UGT1A6: variants seen among roughly 807,000 people sequenced by gnomAD.
UGT1A6 encodes UDP glucuronosyltransferase family 1 member A6.
A neutral mutation model predicts 44.4 loss-of-function variants in UGT1A6; 32 were observed. That is an observed-to-expected ratio of 0.72 (90% confidence interval 0.54 to 0.97). The LOEUF (loss-of-function observed/expected upper bound fraction) is 0.97, where lower values mean the gene tolerates loss of function less well. UGT1A6 is among the 50% of genes least tolerant of loss of function. The probability of loss-of-function intolerance (pLI) is 0.00; values close to 1 mark genes in which losing one functional copy is unlikely to be tolerated. For missense variants in UGT1A6, 685 were observed against 661.9 expected (o/e 1.03, Z -0.38); for synonymous variants, 238 against 248.5 (o/e 0.96, Z 0.40).
At chr2:233,768,093 C>T in intron 3 of UGT1A6, 127 bp from the exon 4 acceptor site, 1 of 1,591,452 alleles carries the variant, frequency 6.3e-7, no homozygotes, top group Non-Finnish European at 8.6e-7. Context: ...CCCACATTTT[C>T]TTCTGCAAAT....
intron 1 of UGT1A6, among the ~76,000 whole-genome samples, chr2:233,709,536 G>C (rs1018378617): frequency 1.3e-5 from 2 of 152,044 alleles, no homozygotes; most frequent in Admixed American, 1.3e-4. Flanking sequence ...TTCCTACTGT[G>C]ATATATGTAA....
chr2:233,729,600 G>A (rs751884181), intron 1 of UGT1A6: 13 of 1,613,992 alleles, frequency 8.1e-6, no homozygotes, highest in South Asian at 2.2e-5. Context: ...ACCTCTGCGC[G>A]GCAGTGCTGG....
chr2:233,711,532 G>T (rs1296354324), intron 1 of UGT1A6, among the ~76,000 whole-genome samples: 2 of 152,124 alleles, frequency 1.3e-5, no homozygotes, highest in African/African-American at 4.8e-5. Flanking sequence ...ACAACTCCCC[G>T]GGAATCATCC....
chr2:233,706,644 G>A (rs908967467), intron 1 of UGT1A6, among the ~76,000 whole-genome samples: 2 of 152,156 alleles, frequency 1.3e-5, no homozygotes, highest in African/African-American at 4.8e-5. Context: ...CTGTGTCTGT[G>A]CCCCATCACT....
rs1385848693 is a variant in UGT1A6 at position 233,725,062 on chromosome 2, C to G, written c.861+31197C>G. On this transcript the variant is annotated intron_variant, in intron 1 of 4. Transcript: ENST00000305139. ...ACCAGTCAGGCGTGGCGGCGCGCGC[C>G]TGCAATCGCAGGCACTCGGCAGGCT... 1.4e-5 allele frequency among the ~76,000 whole-genome samples: 2 copies of G among 147,098 alleles called. 1 individual carries two copies. Among genetic ancestry groups the G allele is most frequent in the East Asian group, 4.2e-4 (2 of 4,760 alleles).
intron 1 of UGT1A6, among the ~76,000 whole-genome samples, chr2:233,749,644 T>C (rs1173811229): frequency 2.6e-5 from 4 of 151,860 alleles, no homozygotes; most frequent in Non-Finnish European, 5.9e-5. Flanking sequence ...CCAAATCTCA[T>C]CTTGAATTGT....
At chr2:233,745,962 G>A (rs1693268115) in intron 1 of UGT1A6, among the ~76,000 whole-genome samples, 2 of 151,772 alleles carry the variant, frequency 1.3e-5, no homozygotes, top group Admixed American at 1.3e-4. Context: ...GGGGGACAGG[G>A]GCCCTGAAAT....
rs111739350 is a variant in UGT1A6 at position 233,753,142 on chromosome 2, A to G, written c.862-13892A>G. The G allele has an allele frequency of 8.2e-3, 1,248 of 152,338 alleles. 11 individuals are homozygous for G. The highest frequency in any genetic ancestry group is 0.011 in the Non-Finnish European group (750 of 68,038). The allele number at this position is 152,338 out of a possible 1,614,324, so 9.4% of individuals were successfully genotyped here. On this transcript the variant is annotated intron_variant, in intron 1 of 4. Coordinates refer to ENST00000305139, the MANE Select transcript of UGT1A6 (RefSeq NM_001072.4). ...CAAACTACTCAGTGAGTATCTTCAC[A>G]CATGTAAGTTCCCTTATCCGGATCA...
intron 1 of UGT1A6, among the ~76,000 whole-genome samples, chr2:233,694,700 T>A (rs1054532656): frequency 1.3e-5 from 2 of 152,236 alleles, no homozygotes; most frequent in African/African-American, 4.8e-5. Context: ...CTTACCTCTC[T>A]TCTTTACACC....
intron 1 of UGT1A6, among the ~76,000 whole-genome samples, chr2:233,696,935 T>C (rs2075366322): frequency 6.6e-6 from 1 of 152,194 alleles, no homozygotes; most frequent in Non-Finnish European, 1.5e-5. Context: ...AATAAATGCA[T>C]CAGGATTAAT....
intron 1 of UGT1A6, among the ~76,000 whole-genome samples, chr2:233,751,139 G>A (rs1273905721): frequency 6.6e-6 from 1 of 151,986 alleles, no homozygotes; most frequent in East Asian, 1.9e-4. Context: ...TGAGACTGTG[G>A]GAGCCCACTT....
At chr2:233,725,615 T>C (rs572802204) in intron 1 of UGT1A6, among the ~76,000 whole-genome samples, 1 of 152,322 alleles carries the variant, frequency 6.6e-6, no homozygotes, top group African/African-American at 2.4e-5. Flanking sequence ...TCTTGCTAAG[T>C]CTTCAAAATC....
intron 1 of UGT1A6, among the ~76,000 whole-genome samples, chr2:233,723,234 T>C (rs1308152593): frequency 3.2e-4 from 38 of 117,916 alleles, no homozygotes; most frequent in African/African-American, 1.4e-3. Context: ...TTTTTTGAGT[T>C]GGAGTCCTGC....
chr2:233,729,943 A>G (rs2077957237), intron 1 of UGT1A6: 2 of 1,613,936 alleles, frequency 1.2e-6, no homozygotes, highest in Admixed American at 1.7e-5. Context: ...CATGCCCAAC[A>G]TGGTCTTCAT....
At position 233,748,684 on chromosome 2, in the gene UGT1A6, A is replaced by C. The variant is rs576819549; in HGVS notation, c.862-18350A>C. On this transcript the variant is annotated intron_variant, in intron 1 of 4. Transcript: ENST00000305139. ...TCCAGAGAGGGATCTGTGCTGACAA[A>C]AGATTTTTCTGGTCAGGATTTGGGG... Among the ~76,000 whole-genome samples, 46 of 151,796 alleles carry C rather than the reference A, an allele frequency of 3.0e-4. 1 individual carries two copies. Among genetic ancestry groups the C allele is most frequent in the Non-Finnish European group, 4.4e-4 (30 of 68,030 alleles).
chr2:233,743,956 G>T (rs184316279), intron 1 of UGT1A6: 2 of 1,338,248 alleles, frequency 1.5e-6, no homozygotes, highest in Non-Finnish European at 9.9e-7. Flanking sequence ...CTGGCACAGC[G>T]AGCGGCAAGG....
At chr2:233,696,345 ACTTC>A (rs201944530) in intron 1 of UGT1A6, among the ~76,000 whole-genome samples, 53 of 152,076 alleles carry the variant, frequency 3.5e-4, no homozygotes, top group Non-Finnish European at 6.9e-4. Context: ...CAGATCTTTC[ACTTC>A]CTTCCTTAAA....
chr2:233,770,570 A>G (rs1700111359), intron 4 of UGT1A6: 2 of 152,086 alleles, frequency 1.3e-5, no homozygotes. Context: ...AGGCAGGAAA[A>G]TCACTTGAAC....
intron 1 of UGT1A6, among the ~76,000 whole-genome samples, chr2:233,705,044 G>A (rs570093956): frequency 6.6e-5 from 10 of 152,198 alleles, no homozygotes; most frequent in South Asian, 4.1e-4. Flanking sequence ...GCTGAGGCAG[G>A]AGAATTGCTT....
Sources: allele counts gnomAD v4.1 joint callset (sites outside exome capture counted in the v4.1 genomes callset), GRCh38; gene constraint gnomAD v4.1.1; transcripts MANE v1.5; gene names NCBI Gene and HGNC (gene_info 2026-07-23, HGNC 2026-07-21).